The following ZSCAN5A variants were observed in gnomAD, a reference collection of about 807,000 sequenced individuals.
ZSCAN5A encodes zinc finger and SCAN domain-containing protein 5A.
ZSCAN5A carries 12 observed loss-of-function variants against 23.7 expected under a neutral mutation model. That is an observed-to-expected ratio of 0.51 (90% CI 0.32 to 0.82). The LOEUF (loss-of-function observed/expected upper bound fraction) is 0.82, where lower values mean the gene tolerates loss of function less well. ZSCAN5A is among the 40% of genes least tolerant of loss of function. The pLI, the probability that ZSCAN5A is intolerant of heterozygous loss-of-function variation, is 0.03. For synonymous variants in ZSCAN5A, 257 were observed against 239.9 expected (o/e 1.07, Z -0.66); for missense variants, 597 against 617.9 (o/e 0.97, Z 0.36).
At chr19:56,260,063 G>A (rs116353364) in intron 2 of ZSCAN5A, among the ~76,000 whole-genome samples, 1,750 of 152,114 alleles carry the variant, frequency 0.012, 39 homozygotes, top group African/African-American at 0.039. Flanking sequence ...AAACAATATC[G>A]GCAAGGAGAA....
At chr19:56,222,890 C>T (rs1400389943) in intron 4 of ZSCAN5A, 149 bp from the exon 5 acceptor site, 1 of 986,002 alleles carries the variant, frequency 1.0e-6, no homozygotes, top group Non-Finnish European at 1.5e-6. Flanking sequence ...ACCCCATCAC[C>T]CCACGTAAAC....
chr19:56,239,521 G>A (rs762460329), intron 2 of ZSCAN5A, among the ~76,000 whole-genome samples: 7 of 152,178 alleles, frequency 4.6e-5, no homozygotes, highest in East Asian at 1.9e-4. Flanking sequence ...CCCTCTCACC[G>A]TCCTGGAGTG....
Position 56,221,320 on chromosome 19 carries a change from A to G in ZSCAN5A, c.*255T>C, listed in dbSNP as rs139078993. On this transcript the variant is annotated 3_prime_UTR_variant, in exon 6 of 6. Transcript: ENST00000683990. ...TTCCGTTATACAATATTGAAAACTA[A>G]TAAGATGATCGTTTATTGGAAGAAC... 177 of 413,068 alleles carry G rather than the reference A, an allele frequency of 4.3e-4. 1 individual carries two copies. The highest frequency in any genetic ancestry group is 3.1e-3 in the African/African-American group (154 of 50,298). The allele number at this position is 413,068 out of a possible 1,614,324, so 25.6% of individuals were successfully genotyped here.
rs371491455 is a variant in ZSCAN5A, at chr19:56,266,493, C to CCTTTTTTTTTTTTTTTTTTTTTTTTT, written c.-127-41321_-127-41320insAAAAAAAAAAAAAAAAAAAAAAAAAG. ...GCTTTCTGCTTGGGAGATGCCCCCA[C>CCTTTTTTTTTTTTTTTTTTTTTTTTT]TTTTTTTTTTTTTTTTTTTTTTGAG... On this transcript the variant is annotated intron_variant, in intron 2 of 5. Coordinates refer to ENST00000683990, the MANE Select transcript of ZSCAN5A (RefSeq NM_001322064.3). The CCTTTTTTTTTTTTTTTTTTTTTTTTT allele has an allele frequency of 1.6e-4, 9 of 58,002 alleles. 2 individuals are homozygous for CCTTTTTTTTTTTTTTTTTTTTTTTTT. Among genetic ancestry groups the CCTTTTTTTTTTTTTTTTTTTTTTTTT allele is most frequent in the African/African-American group, 2.0e-4 (3 of 15,064 alleles). The allele number at this position is 58,002 out of a possible 1,614,324, so 3.6% of individuals were successfully genotyped here. A position where few individuals can be genotyped will look rare whatever the true frequency, so the allele number is the denominator to read the frequency against.
chr19:56,335,120 A>G (rs185311648), intron 2 of ZSCAN5A, among the ~76,000 whole-genome samples: 3 of 152,362 alleles, frequency 2.0e-5, no homozygotes, highest in Non-Finnish European at 4.4e-5. Context: ...GACAGAACTG[A>G]AAAACACAAT....
chr19:56,280,146 A>G (rs892107754), intron 2 of ZSCAN5A, among the ~76,000 whole-genome samples: 5 of 152,200 alleles, frequency 3.3e-5, no homozygotes, highest in African/African-American at 1.2e-4. Flanking sequence ...TATATATTCA[A>G]AGTCCTCTTG....
chr19:56,345,292 T>C (rs2041624484), intron 2 of ZSCAN5A, among the ~76,000 whole-genome samples: 1 of 152,248 alleles, frequency 6.6e-6, no homozygotes, highest in African/African-American at 2.4e-5. Context: ...AGCCAATTAA[T>C]CAGAGCTCTT....
At chr19:56,244,299 T>G in intron 2 of ZSCAN5A, 2 of 1,610,064 alleles carry the variant, frequency 1.2e-6, no homozygotes, top group South Asian at 2.2e-5. Flanking sequence ...ATCCTGGACA[T>G]GCTGGTGATG....
intron 2 of ZSCAN5A, chr19:56,274,834 T>TC (rs1281306771): frequency 1.3e-5 from 2 of 152,216 alleles, no homozygotes; most frequent in African/African-American, 4.8e-5. Context: ...CATTTTGTTA[T>TC]CCCATCTCCT....
chr19:56,239,848 G>A (rs546265928), intron 2 of ZSCAN5A, among the ~76,000 whole-genome samples: 1 of 152,092 alleles, frequency 6.6e-6, no homozygotes, highest in African/African-American at 2.4e-5. Context: ...TGTGGCGCGA[G>A]GGGACCCAAA....
intron 2 of ZSCAN5A, among the ~76,000 whole-genome samples, chr19:56,260,634 G>A (rs1021205710): frequency 6.6e-6 from 1 of 151,348 alleles, no homozygotes; most frequent in African/African-American, 2.4e-5. Flanking sequence ...CAATTTTATT[G>A]TATTTAGGTA....
chr19:56,285,686 G>A (rs569125576), intron 2 of ZSCAN5A, among the ~76,000 whole-genome samples: 42 of 151,816 alleles, frequency 2.8e-4, no homozygotes, highest in South Asian at 1.0e-3. Context: ...TCACTATGTC[G>A]GCCAGGCTGG....
chr19:56,297,521 C>G (rs1358675932), intron 2 of ZSCAN5A: 1 of 984,984 alleles, frequency 1.0e-6, no homozygotes, highest in East Asian at 1.1e-4. Context: ...CAAGTGGCTG[C>G]AAGGAGGAAG....
chr19:56,293,302 G>A (rs528819778), intron 2 of ZSCAN5A, among the ~76,000 whole-genome samples: 5 of 152,238 alleles, frequency 3.3e-5, no homozygotes, highest in Admixed American at 2.0e-4. Flanking sequence ...CTTGCTCATG[G>A]TCACACAGCC....
intron 2 of ZSCAN5A, among the ~76,000 whole-genome samples, chr19:56,260,649 T>A (rs1278627046): frequency 6.6e-6 from 1 of 152,156 alleles, no homozygotes; most frequent in Non-Finnish European, 1.5e-5. Context: ...TAGGTATTGC[T>A]TAGGATAAAG....
chr19:56,334,382 TTTA>T (rs1417155697), intron 2 of ZSCAN5A, among the ~76,000 whole-genome samples: 1 of 152,216 alleles, frequency 6.6e-6, no homozygotes, highest in Non-Finnish European at 1.5e-5. Flanking sequence ...CACAAATTAT[TTTA>T]TTATTATTTT....
At chr19:56,223,298 T>C (rs1052237336) in intron 4 of ZSCAN5A, among the ~76,000 whole-genome samples, 1 of 152,158 alleles carries the variant, frequency 6.6e-6, no homozygotes, top group Non-Finnish European at 1.5e-5. Context: ...AGAAAATGGT[T>C]TCCTTGCTGA....
chr19:56,264,677 TCTC>T (rs2037347900), intron 2 of ZSCAN5A, among the ~76,000 whole-genome samples: 1 of 152,240 alleles, frequency 6.6e-6, no homozygotes, highest in Non-Finnish European at 1.5e-5. Context: ...TTATGTATTG[TCTC>T]TGGTGGCTTT....
At chr19:56,336,292 C>CT (rs1330463044) in intron 2 of ZSCAN5A, among the ~76,000 whole-genome samples, 2 of 152,180 alleles carry the variant, frequency 1.3e-5, no homozygotes, top group Non-Finnish European at 2.9e-5. Context: ...TCTTTTTACT[C>CT]TTTTTTCTCT....
Sources: allele counts gnomAD v4.1 joint callset (sites outside exome capture counted in the v4.1 genomes callset), GRCh38; gene constraint gnomAD v4.1.1; transcripts MANE v1.5; gene names NCBI Gene and HGNC (gene_info 2026-07-23, HGNC 2026-07-21).